The following MAP4K4 variants were observed in gnomAD, a reference collection of about 807,000 sequenced individuals.
MAP4K4 encodes HPK/GCK-like kinase HGK.
In MAP4K4, 38 loss-of-function variants were observed where a neutral mutation model predicts 189.6. The ratio of observed to expected loss-of-function variants is 0.20; its 90% CI spans 0.15 to 0.26. The LOEUF (loss-of-function observed/expected upper bound fraction) is 0.26, where lower values mean the gene tolerates loss of function less well. Among genes scored for constraint, MAP4K4 ranks in the 10% least tolerant of loss-of-function variants. MAP4K4 has a pLI of 1.00. For synonymous variants in MAP4K4, 610 were observed against 624.3 expected, an observed-to-expected ratio of 0.98 and a Z score of 0.34; for missense variants, 1,054 against 1,726.9, an observed-to-expected ratio of 0.61 and a Z score of 6.91.
intron 2 of MAP4K4, among the ~76,000 whole-genome samples, chr2:101,779,994 A>G (rs2086491654): frequency 1.3e-5 from 2 of 152,222 alleles, no homozygotes; most frequent in Non-Finnish European, 2.9e-5. Flanking sequence ...GCTGCAACAC[A>G]ACAACAGAAG....
At chr2:101,780,501 T>A (rs11683001) in intron 2 of MAP4K4, among the ~76,000 whole-genome samples, 42,563 of 152,200 alleles carry the variant, frequency 0.28, 6,708 homozygotes, top group South Asian at 0.49. Flanking sequence ...TTGTCTTTTG[T>A]TCTGGATAAA....
At chr2:101,838,222 C>T (rs1006081174) in intron 9 of MAP4K4, among the ~76,000 whole-genome samples, 1 of 152,198 alleles carries the variant, frequency 6.6e-6, no homozygotes, top group African/African-American at 2.4e-5. Flanking sequence ...GCTCCAACCT[C>T]AAAGTTTCTG....
intron 9 of MAP4K4, among the ~76,000 whole-genome samples, chr2:101,836,447 G>C (rs2096756554): frequency 6.6e-6 from 1 of 152,106 alleles, no homozygotes; most frequent in African/African-American, 2.4e-5. Context: ...AATTAGCCGG[G>C]CGTGGTGGCA....
intron 32 of MAP4K4, among the ~76,000 whole-genome samples, chr2:101,890,516 G>A (rs1012376987): frequency 1.3e-5 from 2 of 152,182 alleles, no homozygotes; most frequent in African/African-American, 4.8e-5. Flanking sequence ...GAGTGCAGTG[G>A]CGTGATCTCG....
At chr2:101,825,771 C>A (rs1391532627) in intron 5 of MAP4K4, among the ~76,000 whole-genome samples, 1 of 152,172 alleles carries the variant, frequency 6.6e-6, no homozygotes, top group Non-Finnish European at 1.5e-5. Flanking sequence ...TAAAGGAATT[C>A]TGTGTTTAAG....
At chr2:101,739,270 ACTTCT>A (rs1410178429) in intron 2 of MAP4K4, among the ~76,000 whole-genome samples, 1 of 152,210 alleles carries the variant, frequency 6.6e-6, no homozygotes, top group African/African-American at 2.4e-5. Flanking sequence ...CAAAGGTGTT[ACTTCT>A]GTTGCCTTCA....
intron 2 of MAP4K4, among the ~76,000 whole-genome samples, chr2:101,756,084 G>C (rs545268561): frequency 6.6e-6 from 1 of 151,828 alleles, no homozygotes; most frequent in African/African-American, 2.4e-5. Context: ...GGGACTGCAG[G>C]CAACCGCCAC....
chr2:101,865,616 A>G (rs1293058087), intron 18 of MAP4K4, among the ~76,000 whole-genome samples: 1 of 152,264 alleles, frequency 6.6e-6, no homozygotes, highest in Non-Finnish European at 1.5e-5. Context: ...CTCTATAGCC[A>G]CATATAGCTA....
chr2:101,790,887 C>T (rs1236041891), intron 3 of MAP4K4, 111 bp downstream of exon 3: 12 of 951,250 alleles, frequency 1.3e-5, no homozygotes, highest in Non-Finnish European at 1.8e-5. Flanking sequence ...GAACAAATTG[C>T]CCTCCTGTGA....
intron 30 of MAP4K4, 72 bp downstream of exon 30, chr2:101,887,309 T>C (rs2098501710): frequency 6.8e-7 from 1 of 1,466,748 alleles, no homozygotes; most frequent in Non-Finnish European, 9.2e-7. Context: ...TTTACTCTGC[T>C]TAGTGAACTA....
chr2:101,811,141 A>T (rs2095394836), intron 3 of MAP4K4, among the ~76,000 whole-genome samples: 1 of 152,064 alleles, frequency 6.6e-6, no homozygotes, highest in African/African-American at 2.4e-5. Context: ...TGGGAGGCCG[A>T]GGCGGGTGGA....
chr2:101,772,681 T>C (rs901250482), intron 2 of MAP4K4, among the ~76,000 whole-genome samples: 2 of 152,250 alleles, frequency 1.3e-5, no homozygotes, highest in African/African-American at 2.4e-5. Context: ...ATGAAGTCTT[T>C]TTTGGCATTC....
exon 33 of MAP4K4, chr2:101,893,999 C>G (rs1444204701): frequency 6.6e-6 from 1 of 152,336 alleles, no homozygotes; most frequent in Admixed American, 6.5e-5. Context: ...AGCCTCACCC[C>G]CTTGTCAACC....
intron 2 of MAP4K4, among the ~76,000 whole-genome samples, chr2:101,708,085 C>T (rs1433104143): frequency 6.6e-6 from 1 of 152,130 alleles, no homozygotes; most frequent in Non-Finnish European, 1.5e-5. Flanking sequence ...GGTCTGCCTA[C>T]CTCGGCCTCT....
intron 20 of MAP4K4, 33 bp from the exon 21 acceptor site, chr2:101,867,996 T>G: frequency 6.2e-7 from 1 of 1,613,046 alleles, no homozygotes; most frequent in Non-Finnish European, 8.5e-7. Context: ...AACGATGGCT[T>G]CTCGGACTCC....
rs1023311970 is a variant in MAP4K4, at chr2:101,702,844, G to A, written c.123+4306G>A. ...AGGCCCAAAGACCTTGATGGTAAGG[G>A]GAGCTAACGCTAAGAGTTTGCTCAT... On this transcript the variant is annotated intron_variant, in intron 2 of 32. Coordinates refer to ENST00000324219, the Ensembl canonical transcript of MAP4K4. Among the ~76,000 whole-genome samples the A allele has an allele frequency of 2.6e-5, 4 of 152,234 alleles. No homozygotes were observed. In the East Asian group the frequency reaches 7.7e-4, roughly 29 times the overall value.
intron 2 of MAP4K4, among the ~76,000 whole-genome samples, chr2:101,747,608 A>G (rs1366187867): frequency 6.6e-6 from 1 of 152,182 alleles, no homozygotes; most frequent in Non-Finnish European, 1.5e-5. Flanking sequence ...CACAAATTAA[A>G]ACAGCTCAGT....
chr2:101,741,267 A>G (rs1290302435), intron 2 of MAP4K4, among the ~76,000 whole-genome samples: 3 of 148,042 alleles, frequency 2.0e-5, no homozygotes, highest in East Asian at 2.0e-4. Flanking sequence ...TCCTGGGTTC[A>G]CGCCATTCTC....
chr2:101,763,123 G>A (rs778663686), intron 2 of MAP4K4, among the ~76,000 whole-genome samples: 8 of 152,178 alleles, frequency 5.3e-5, no homozygotes, highest in Non-Finnish European at 1.0e-4. Context: ...GCACCTGGGT[G>A]GGGTAGGATG....
Sources: allele counts gnomAD v4.1 joint callset (sites outside exome capture counted in the v4.1 genomes callset), GRCh38; gene constraint gnomAD v4.1.1; transcripts MANE v1.5; gene names NCBI Gene and HGNC (gene_info 2026-07-23, HGNC 2026-07-21).